Variants in PAX2 observed in about 807,000 individuals in gnomAD.
PAX2 encodes paired box protein Pax-2.
Under a neutral mutation model 41.7 loss-of-function variants are expected in PAX2, and 9 were observed. That is an observed-to-expected ratio of 0.22 (90% confidence interval 0.13 to 0.38). The LOEUF (loss-of-function observed/expected upper bound fraction) is 0.38, where lower values mean the gene tolerates loss of function less well. PAX2 is among the 10% of genes least tolerant of loss of function. The pLI is 1.00. For synonymous variants in PAX2, 221 were observed against 212.7 expected (o/e 1.04, Z -0.34); for missense variants, 418 against 531.6 (o/e 0.79, Z 2.10).
At chr10:100,792,553 G>A (rs190356117) in intron 5 of PAX2, among the ~76,000 whole-genome samples, 12 of 152,356 alleles carry the variant, frequency 7.9e-5, no homozygotes, top group Admixed American at 7.2e-4. Flanking sequence ...GGATGACAGA[G>A]GTAGAACCAT....
intron 7 of PAX2, among the ~76,000 whole-genome samples, chr10:100,814,695 G>C (rs558888820): frequency 6.1e-4 from 93 of 152,360 alleles, no homozygotes; most frequent in Middle Eastern, 3.4e-3. Context: ...AGTGGGGTGG[G>C]GGCAGGTGGG....
At chr10:100,739,639 G>A (rs1844886172) in intron 1 of PAX2, among the ~76,000 whole-genome samples, 2 of 152,198 alleles carry the variant, frequency 1.3e-5, no homozygotes, top group Admixed American at 6.5e-5. Flanking sequence ...AGCCTCTGGA[G>A]TGTGCTTCCC....
chr10:100,804,162 C>T (rs918556084), intron 5 of PAX2, among the ~76,000 whole-genome samples: 2 of 152,002 alleles, frequency 1.3e-5, no homozygotes, highest in East Asian at 1.9e-4. Flanking sequence ...CATAATCTCT[C>T]GCAAATTTAG....
At chr10:100,788,530 G>A (rs757277024) in intron 5 of PAX2, among the ~76,000 whole-genome samples, 1 of 152,204 alleles carries the variant, frequency 6.6e-6, no homozygotes, top group South Asian at 2.1e-4. Context: ...GTGGGTGAGC[G>A]CTCCTTGGTG....
intron 3 of PAX2, among the ~76,000 whole-genome samples, chr10:100,755,470 T>A (rs888228427): frequency 2.0e-5 from 3 of 152,214 alleles, no homozygotes; most frequent in African/African-American, 7.2e-5. Flanking sequence ...AAATAAATAG[T>A]GTCCCAACTG....
At chr10:100,735,661 G>A in exon 1 of PAX2, 2 of 1,060,192 alleles carry the variant, frequency 1.9e-6, no homozygotes, top group Non-Finnish European at 1.1e-6. Context: ...CGGAGGAGCG[G>A]GACAGCCAGA....
Position 100,781,190 on chromosome 10 carries a change from C to T in PAX2, c.497-56C>T, listed in dbSNP as rs1017028556. 115 of 1,601,672 alleles carry T rather than the reference C, an allele frequency of 7.2e-5. No individual in the cohort carries two copies. In the Admixed American group the frequency reaches 7.5e-4, roughly 10 times the overall value. ...CCCCCAGCCTTGGGGCTTTGGCCTA[C>T]GATCACAACTGCTAAACTGCTATCC... On this transcript the variant is annotated intron_variant, in intron 4 of 9. Coordinates refer to ENST00000355243, the MANE Select transcript of PAX2 (RefSeq NM_000278.5).
intron 5 of PAX2, among the ~76,000 whole-genome samples, chr10:100,794,969 A>G (rs959205527): frequency 1.3e-5 from 2 of 152,176 alleles, no homozygotes; most frequent in Admixed American, 6.5e-5. Context: ...GATGTCTTCT[A>G]TATCATCATC....
At chr10:100,764,242 C>T (rs2133864684) in intron 3 of PAX2, among the ~76,000 whole-genome samples, 1 of 148,344 alleles carries the variant, frequency 6.7e-6, no homozygotes, top group East Asian at 2.0e-4. Context: ...CTCCCGGGTT[C>T]ATGCCATTCT....
chr10:100,824,069 G>T lies in PAX2; in HGVS notation c.920-579G>T, dbSNP rs1848456906. Among the ~76,000 whole-genome samples, 1 of 151,964 alleles carries T rather than the reference G, an allele frequency of 6.6e-6. No individual in the cohort carries two copies. Among genetic ancestry groups the T allele is most frequent in the Non-Finnish European group, 1.5e-5 (1 of 67,976 alleles). ...CTAACAGCAAAATAGCCCACTGGCT[G>T]CCCCCCTGCTCTCCACACCTGCCAG... is the stretch of plus-strand genomic sequence containing the variant. On this transcript the variant is annotated intron_variant, in intron 7 of 9. Transcript: ENST00000355243. This position sits in a 1 kb window ranked among gnomAD's most constrained non-coding sequence, Gnocchi z 6.6.
At position 100,746,048 on chromosome 10, in the gene PAX2, CG is replaced by C; in HGVS notation, c.-211del. The C allele has an allele frequency of 6.9e-7, 1 of 1,457,444 alleles. No homozygotes were observed. The highest frequency in any genetic ancestry group is 9.0e-7 in the Non-Finnish European group (1 of 1,112,970). The allele number at this position is 1,457,444 out of a possible 1,614,324, so 90.3% of individuals were successfully genotyped here. Reference sequence around the variant, plus strand: ...CCCGAGCCCCGACAGTGGCAAGTTGCGGCTACTGCAGTTGCAAGCTCCGGCC... The same window carrying C: ...CCCGAGCCCCGACAGTGGCAAGTTGCGCTACTGCAGTTGCAAGCTCCGGCC... On this transcript the variant is annotated 5_prime_UTR_variant, in exon 1 of 10. Coordinates refer to ENST00000355243, the MANE Select transcript of PAX2 (RefSeq NM_000278.5).
chr10:100,775,263 C>A (rs74152669), intron 3 of PAX2, among the ~76,000 whole-genome samples: 4,803 of 152,256 alleles, frequency 0.032, 270 homozygotes, highest in African/African-American at 0.11. Context: ...CATGGGGAAA[C>A]GGTATCAGGC....
chr10:100,758,143 C>CTT (rs531213135), intron 3 of PAX2, among the ~76,000 whole-genome samples: 7 of 141,502 alleles, frequency 4.9e-5, no homozygotes, highest in East Asian at 4.1e-4. Flanking sequence ...AGGTGCCATT[C>CTT]TTTTTTTTTT....
At chr10:100,762,397 G>A (rs1038667841) in intron 3 of PAX2, among the ~76,000 whole-genome samples, 6 of 152,104 alleles carry the variant, frequency 3.9e-5, no homozygotes, top group South Asian at 2.1e-4. Context: ...ACGCCTGCAC[G>A]CACGCAGCCT....
chr10:100,775,414 G>A (rs190599489), intron 3 of PAX2, among the ~76,000 whole-genome samples: 4 of 152,216 alleles, frequency 2.6e-5, no homozygotes, highest in African/African-American at 9.6e-5. Context: ...TAAATTCTCC[G>A]AGATCAGCTC....
intron 6 of PAX2, among the ~76,000 whole-genome samples, chr10:100,807,672 G>A (rs1847842674): frequency 6.6e-6 from 1 of 152,144 alleles, no homozygotes; most frequent in South Asian, 2.1e-4. Context: ...CATACGCTGG[G>A]TGGAGCCCCC....
rs1338080156 is a variant in PAX2, at chr10:100,777,502, C to A, written c.411-1996C>A. On this transcript the variant is annotated intron_variant, in intron 3 of 9. Transcript: ENST00000355243. ...CTCCGCCTCCCGGGTTCAAGCAATT[C>A]TCCTGCCTCAGCTGCCTGAATAGCT... Among the ~76,000 whole-genome samples, 3 of 150,508 alleles carry A rather than the reference C, an allele frequency of 2.0e-5. No homozygotes were observed. The East Asian group carries it at 5.9e-4, about 30-fold the overall frequency.
intron 5 of PAX2, among the ~76,000 whole-genome samples, chr10:100,793,617 T>C (rs920488533): frequency 6.6e-6 from 1 of 152,228 alleles, no homozygotes; most frequent in Non-Finnish European, 1.5e-5. Flanking sequence ...CCCGGGGTTC[T>C]AGGTTTCCTC....
chr10:100,748,859 A>G lies in PAX2; in HGVS notation c.44-887A>G, dbSNP rs1845317602. ...GGTCGGCTACACAGGGCGCCCCGAG[A>G]GTTATTAACTCGCCAGCGAGGCCTA... On this transcript the variant is annotated intron_variant, in intron 1 of 9. Transcript: ENST00000355243. This position sits in a 1 kb window ranked among gnomAD's most constrained non-coding sequence, Gnocchi z 5.0. The G allele has an allele frequency of 1.0e-6, 1 of 984,566 alleles. No homozygotes were observed. Among genetic ancestry groups the G allele is most frequent in the Non-Finnish European group, 1.2e-6 (1 of 829,898 alleles). 61.0% of individuals were successfully genotyped at this position (984,566 alleles called of 1,614,324 possible). A position where few individuals can be genotyped will look rare whatever the true frequency, so the allele number is the denominator to read the frequency against.
Sources: allele counts gnomAD v4.1 joint callset (sites outside exome capture counted in the v4.1 genomes callset), GRCh38; gene constraint gnomAD v4.1.1; non-coding constraint Gnocchi (gnomAD v3.1); transcripts MANE v1.5; gene names NCBI Gene and HGNC (gene_info 2026-07-23, HGNC 2026-07-21).